Variants in RPTN observed in about 807,000 individuals in gnomAD.
The protein encoded by RPTN is intermediate filament-associated protein.
Under a neutral mutation model 3.6 loss-of-function variants are expected in RPTN, and 4 were observed. That is an observed-to-expected ratio of 1.12 (90% CI 0.55 to 2.55). The LOEUF (loss-of-function observed/expected upper bound fraction) is 2.55, where lower values mean the gene tolerates loss of function less well. Among genes scored for constraint, RPTN ranks in the 30% most tolerant of loss-of-function variants. The pLI is 0.02. For missense variants in RPTN, 860 were observed against 916.7 expected (o/e 0.94, Z 0.80); for synonymous variants, 293 against 319.3 (o/e 0.92, Z 0.88).
Position 152,156,014 on chromosome 1 carries a change from C to A in RPTN, c.1085G>T (p.Gly362Val). The change falls in exon 3 of 3, where the codon GGC becomes GTC. Residue 362 changes from glycine to valine, a missense_variant. Gly to Val is a moderately radical substitution (Grantham distance 109). Coordinates refer to ENST00000316073, the MANE Select transcript of RPTN (RefSeq NM_001122965.1). Reference sequence around the variant, plus strand: ...TGGTTGACTGTAGTGGGAACCCTGGCCTTGTCTGTTTGTCTGATCATAATG... The same window carrying A: ...TGGTTGACTGTAGTGGGAACCCTGGACTTGTCTGTTTGTCTGATCATAATG... Reference protein sequence around the residue: ...CYHYDQTNRQGQGSHYSQPNR... With the variant: ...CYHYDQTNRQVQGSHYSQPNR... 6.2e-7 allele frequency: 1 copy of A among 1,613,600 alleles called. No individual in the cohort carries two copies. The highest frequency in any genetic ancestry group is 8.5e-7 in the Non-Finnish European group (1 of 1,179,992).
At position 152,154,431 on chromosome 1, in the gene RPTN, A is replaced by C; in HGVS notation, c.*313T>G. 1 of 438,964 alleles carries C rather than the reference A, an allele frequency of 2.3e-6. No homozygotes were observed. The highest frequency in any genetic ancestry group is 4.0e-6 in the Non-Finnish European group (1 of 247,054). The allele number at this position is 438,964 out of a possible 1,614,324, so 27.2% of individuals were successfully genotyped here. A position where few individuals can be genotyped will look rare whatever the true frequency, so the allele number is the denominator to read the frequency against. The stretch of plus-strand genomic sequence containing the variant: ...GGTGCTCACATAGCCTAGTATGGGT[A>C]GGATTTCTGCTCTTGCACATAGTCA... On this transcript the variant is annotated 3_prime_UTR_variant, in exon 3 of 3. Transcript: ENST00000316073.
Position 152,156,685 on chromosome 1 carries a change from C to T in RPTN, c.414G>A (p.Glu138=). The T allele has an allele frequency of 6.2e-7, 1 of 1,613,780 alleles. No individual in the cohort carries two copies. Among genetic ancestry groups the T allele is most frequent in the Non-Finnish European group, 8.5e-7 (1 of 1,179,870 alleles). ...ERQNSHHSQP[E]RQDGDSHHGQ... is the part of the protein sequence containing the mutation. ...CATGGTGGGAATCTCCGTCTTGTCT[C>T]TCAGGCTGACTGTGGTGGGAGTTCT... Residue 138 remains glutamate (E), a synonymous_variant, in exon 3 of 3, where the codon GAG becomes GAA. Coordinates refer to ENST00000316073, the MANE Select transcript of RPTN (RefSeq NM_001122965.1).
intron 2 of RPTN, 54 bp from the exon 3 acceptor site, chr1:152,157,014 G>T (rs1002242149): frequency 1.4e-6 from 2 of 1,471,252 alleles, no homozygotes; most frequent in Non-Finnish European, 1.9e-6. Flanking sequence ...TGCATACTAA[G>T]ATGTGTATCA....
Position 152,156,915 on chromosome 1 carries a change from C to T in RPTN, c.184G>A (p.Asp62Asn). 3 of 1,614,116 alleles carry T rather than the reference C, an allele frequency of 1.9e-6. No individual in the cohort carries two copies. The highest frequency in any genetic ancestry group is 2.5e-6 in the Non-Finnish European group (3 of 1,179,986). ...ETVETILNLL[D>N]QDRDGHIDFH... ...TCAATATGTCCATCTCGGTCTTGAT[C>T]TAAGAGGTTCAAGATGGTTTCCACA... The change falls in exon 3 of 3, where the codon GAT becomes AAT. Residue 62 changes from aspartate to asparagine, a missense_variant. By Grantham distance (23) the Asp-to-Asn change is conservative. Coordinates refer to ENST00000316073, the MANE Select transcript of RPTN (RefSeq NM_001122965.1).
At position 152,157,916 on chromosome 1, in the gene RPTN, G is replaced by A; in HGVS notation, c.-20-7C>T. The A allele has an allele frequency of 6.2e-7, 1 of 1,611,904 alleles. No individual in the cohort carries two copies. Among genetic ancestry groups the A allele is most frequent in the Non-Finnish European group, 8.5e-7 (1 of 1,178,632 alleles). On this transcript the variant is annotated splice_region_variant and splice_polypyrimidine_tract_variant and intron_variant, in intron 1 of 2. Coordinates refer to ENST00000316073, the MANE Select transcript of RPTN (RefSeq NM_001122965.1). The stretch of plus-strand genomic sequence containing the variant: ...TTGACAAGTACGGGTGAACCTAAAA[G>A]AAGAAACAAGATTTCTCCTGCCGTT...
chr1:152,155,596 C>A lies in RPTN; in HGVS notation c.1503G>T (p.Gln501His). Residue 501 changes from glutamine to histidine, a missense_variant, in exon 3 of 3, where the codon CAG becomes CAT. Transcript: ENST00000316073. Reference sequence around the variant, plus strand: ...GGGAACTTTGGCCTTGTCCGTCTGGCTGACCATAATGATAACTCTGGTCTT... The same window carrying A: ...GGGAACTTTGGCCTTGTCCGTCTGGATGACCATAATGATAACTCTGGTCTT... ...DRQDQSYHYG[Q>H]PDGQGQSSHY... 6.2e-6 allele frequency: 10 copies of A among 1,603,764 alleles called. No homozygotes were observed. The highest frequency in any genetic ancestry group is 6.8e-6 in the Non-Finnish European group (8 of 1,172,632).
chr1:152,156,963 G>T lies in RPTN; in HGVS notation c.139-3C>A. 6.2e-7 allele frequency: 1 copy of T among 1,606,358 alleles called. No individual in the cohort carries two copies. Among genetic ancestry groups the T allele is most frequent in the Non-Finnish European group, 8.5e-7 (1 of 1,176,210 alleles). On this transcript the variant is annotated splice_polypyrimidine_tract_variant and splice_region_variant and intron_variant, in intron 2 of 2. Coordinates refer to ENST00000316073, the MANE Select transcript of RPTN (RefSeq NM_001122965.1). ...ACAGTCTCTGGGTCATTTGGTCTCT[G>T]TTAGGAGATAAAACAAAGAGCAAAA...
In RPTN at chr1:152,155,614, C is replaced by CTGG; in HGVS notation, c.1482_1484dup (p.Asp494_Gln495insHis). 4 of 1,596,360 alleles carry CTGG rather than the reference C, an allele frequency of 2.5e-6. No individual in the cohort carries two copies. Among genetic ancestry groups the CTGG allele is most frequent in the Non-Finnish European group, 2.6e-6 (3 of 1,167,492 alleles). On this transcript the variant is annotated inframe_insertion, in exon 3 of 3. Coordinates refer to ENST00000316073, the MANE Select transcript of RPTN (RefSeq NM_001122965.1). ...CGTCTGGCTGACCATAATGATAACTCTGGTCTTGTCTGTCTATCTTACCAT... is the reference window on the plus strand; with the variant it reads ...CGTCTGGCTGACCATAATGATAACTCTGGTGGTCTTGTCTGTCTATCTTACCAT...
chr1:152,155,212 G>A lies in RPTN; in HGVS notation c.1887C>T (p.Tyr629=), dbSNP rs2101556153. ...ACTGGAATCCCTGTCCCTGGTTTTG[G>A]TACCCTTCCTGTCCTGGAGTCTGTT... ...LSQQTPGQEG[Y]QNQGQGFQSR... The change falls in exon 3 of 3, where the codon TAC becomes TAT. Residue 629 remains tyrosine (Y), a synonymous_variant. Coordinates refer to ENST00000316073, the MANE Select transcript of RPTN (RefSeq NM_001122965.1). 3 of 1,614,194 alleles carry A rather than the reference G, an allele frequency of 1.9e-6. No individual in the cohort carries two copies. The highest frequency in any genetic ancestry group is 2.7e-5 in the African/African-American group (2 of 75,052).
chr1:152,154,911 C>T lies in RPTN; in HGVS notation c.2188G>A (p.Asp730Asn), dbSNP rs201520409. 3.5e-5 allele frequency: 57 copies of T among 1,613,948 alleles called. No individual in the cohort carries two copies. The Middle Eastern group carries it at 2.1e-3, about 61-fold the overall frequency. ...ESQEGPCGTQ[D>N]RRTHKDEQNH... is the part of the protein sequence containing the mutation. ...TGCTCATCTTTATGGGTTCGCCTGT[C>T]CTGTGTCCCACATGGACCTTCCTGA... Residue 730 changes from aspartate to asparagine, a missense_variant, in exon 3 of 3, where the codon GAC becomes AAC. Physicochemically the swap from Asp to Asn is conservative, Grantham distance 23. Coordinates refer to ENST00000316073, the MANE Select transcript of RPTN (RefSeq NM_001122965.1).
In RPTN at chr1:152,154,746, A is replaced by G. The variant is rs188506223; in HGVS notation, c.2353T>C (p.Ter785ArgextTer108). ...THEDEQNHQR[*>R] ...TCCTCTTCATGAGTTTGCCTGTCTCATCTCTGATGGTTCTGCTCGTCTTCA... is the reference window on the plus strand; with the variant it reads ...TCCTCTTCATGAGTTTGCCTGTCTCGTCTCTGATGGTTCTGCTCGTCTTCA... The change falls in exon 3 of 3, where the codon TGA becomes CGA. Residue 785 changes from the stop codon to arginine, a stop_lost. Transcript: ENST00000316073. The G allele has an allele frequency of 4.1e-5, 66 of 1,613,152 alleles. No individual in the cohort carries two copies. The East Asian group carries it at 7.6e-4, about 19-fold the overall frequency.
chr1:152,156,977 C>T lies in RPTN; in HGVS notation c.139-17G>A, dbSNP rs1659219330. Reference sequence around the variant, plus strand: ...ATTTGGTCTCTGTTAGGAGATAAAACAAAGAGCAAAATCAGATGCTGTCTT... The same window carrying T: ...ATTTGGTCTCTGTTAGGAGATAAAATAAAGAGCAAAATCAGATGCTGTCTT... On this transcript the variant is annotated splice_polypyrimidine_tract_variant and intron_variant, in intron 2 of 2. Coordinates refer to ENST00000316073, the MANE Select transcript of RPTN (RefSeq NM_001122965.1). 6.3e-7 allele frequency: 1 copy of T among 1,596,974 alleles called. No homozygotes were observed. Among genetic ancestry groups the T allele is most frequent in the African/African-American group, 1.3e-5 (1 of 74,440 alleles).
In RPTN at chr1:152,156,596, GAAT is replaced by G. The variant is rs777608902; in HGVS notation, c.500_502del (p.Asp167_Ser168delinsAla). On this transcript the variant is annotated inframe_deletion, in exon 3 of 3. Transcript: ENST00000316073. ...TTGTCTCTCAGGCTGACTGTGGTGG[GAAT>G]CTCTGTCTTGTTTCTCAGACTGACC... 2.9e-6 allele frequency: 3 copies of G among 1,040,652 alleles called. No homozygotes were observed. In the Admixed American group the frequency reaches 1.6e-4, roughly 55 times the overall value. The allele number at this position is 1,040,652 out of a possible 1,614,324, so 64.5% of individuals were successfully genotyped here.
Position 152,155,722 on chromosome 1 carries a change from C to G in RPTN, c.1377G>C (p.Gln459His). 1 of 1,598,164 alleles carries G rather than the reference C, an allele frequency of 6.3e-7. No individual in the cohort carries two copies. Among genetic ancestry groups the G allele is most frequent in the Non-Finnish European group, 8.6e-7 (1 of 1,169,022 alleles). ...SHYGQTDRQG[Q>H]SSHYGQTDRQ... ...TGTCTGTCTGACCATAGTGGGAACTCTGGCCTTGTCTGTCTGTCTGACCAT... is the reference window on the plus strand; with the variant it reads ...TGTCTGTCTGACCATAGTGGGAACTGTGGCCTTGTCTGTCTGTCTGACCAT... The change falls in exon 3 of 3, where the codon CAG becomes CAC. Residue 459 changes from glutamine (Q) to histidine (H), a missense_variant. By Grantham distance (24) the Gln-to-His change is conservative. Transcript: ENST00000316073.
rs201203302 is a variant in RPTN at position 152,154,796 on chromosome 1, C to A, written c.2303G>T (p.Arg768Leu). The A allele has an allele frequency of 3.7e-6, 6 of 1,612,694 alleles. No homozygotes were observed. The East Asian group carries it at 1.1e-4, about 30-fold the overall frequency. Reference sequence around the variant, plus strand: ...ATGGGTTTGCCTGTCTCGTCTCTGACGGTTCTGCTTGTCTTCATGGGTTTG... The same window carrying A: ...ATGGGTTTGCCTGTCTCGTCTCTGAAGGTTCTGCTTGTCTTCATGGGTTTG... ...DRQTHEDKQN[R>L]QRRDRQTHED... is the part of the protein sequence containing the mutation. The change falls in exon 3 of 3, where the codon CGT (arginine) becomes CTT (leucine). Residue 768 changes from arginine to leucine, a missense_variant. Transcript: ENST00000316073.
chr1:152,156,626 T>C lies in RPTN; in HGVS notation c.473A>G (p.His158Arg), dbSNP rs201412217. Residue 158 changes from histidine (H) to arginine (R), a missense_variant, in exon 3 of 3, where the codon CAT becomes CGT. His to Arg is a conservative substitution (Grantham distance 29). Coordinates refer to ENST00000316073, the MANE Select transcript of RPTN (RefSeq NM_001122965.1). ...TCTGTCTTGTTTCTCAGACTGACCA[T>C]GGTGGGAATCTCTGTCTTGTCTCTC... Reference protein sequence around the residue: ...QPERQDRDSHHGQSEKQDRDS... With the variant: ...QPERQDRDSHRGQSEKQDRDS... 1.8e-4 allele frequency: 277 copies of C among 1,557,816 alleles called. No homozygotes were observed. The Middle Eastern group carries it at 2.5e-3, about 14-fold the overall frequency.
In RPTN at chr1:152,154,489, AG is replaced by A. The variant is rs1659151359; in HGVS notation, c.*254del. ...GGTTGGGAACAGTAGCTCCCTTGGC[AG>A]GGTGACCACGCTGTTCTCTGGTTTG... is the stretch of plus-strand genomic sequence containing the variant. On this transcript the variant is annotated 3_prime_UTR_variant, in exon 3 of 3. Transcript: ENST00000316073. The A allele has an allele frequency of 1.7e-6, 1 of 578,618 alleles. No individual in the cohort carries two copies. The highest frequency in any genetic ancestry group is 1.9e-5 in the African/African-American group (1 of 53,478). The allele number at this position is 578,618 out of a possible 1,614,324, so 35.8% of individuals were successfully genotyped here.
In RPTN at chr1:152,155,815, A is replaced by T; in HGVS notation, c.1284T>A (p.Gly428=). Residue 428 remains glycine, a synonymous_variant, in exon 3 of 3, where the codon GGT becomes GGA. Coordinates refer to ENST00000316073, the MANE Select transcript of RPTN (RefSeq NM_001122965.1). ...AACTCTGGCCTTGTCTGTCTGTCTG[A>T]CCGTAGTGAGAACCCTGGCCTTGTC... ...MDRQGQGSHY[G]QTDRQGQSSH... The T allele has an allele frequency of 1.9e-6, 3 of 1,609,226 alleles. No homozygotes were observed. The highest frequency in any genetic ancestry group is 2.5e-6 in the Non-Finnish European group (3 of 1,178,224).
rs201046127 is a variant in RPTN, at chr1:152,154,458, A to G, written c.*286T>C. 2.1e-6 allele frequency: 1 copy of G among 474,220 alleles called. No individual in the cohort carries two copies. Among genetic ancestry groups the G allele is most frequent in the Non-Finnish European group, 3.7e-6 (1 of 271,292 alleles). 29.4% of individuals were successfully genotyped at this position (474,220 alleles called of 1,614,324 possible). ...GATTTCTGCTCTTGCACATAGTCAT[A>G]GGGGGGGTTGGGAACAGTAGCTCCC... On this transcript the variant is annotated 3_prime_UTR_variant, in exon 3 of 3. Coordinates refer to ENST00000316073, the MANE Select transcript of RPTN (RefSeq NM_001122965.1).
Sources: gnomAD v4.1 joint callset for allele counts on GRCh38, gnomAD v4.1.1 for gene constraint, MANE v1.5 for transcripts, NCBI Gene and HGNC (gene_info 2026-07-23, HGNC 2026-07-21) for gene names.